The following PRKCZ variants were observed in gnomAD, a reference collection of about 807,000 sequenced individuals.
PRKCZ encodes the protein protein kinase C zeta.
A neutral mutation model predicts 79.5 loss-of-function variants in PRKCZ; 33 were observed. The ratio of observed to expected loss-of-function variants is 0.41; its 90% confidence interval spans 0.31 to 0.55. PRKCZ has a LOEUF of 0.55. Ranked by LOEUF, PRKCZ falls within the 20% of genes least tolerant of loss-of-function variation. The pLI, the probability that PRKCZ is intolerant of heterozygous loss-of-function variation, is 0.19. For missense variants in PRKCZ, 578 were observed against 813.5 expected (o/e 0.71, Z 3.52); for synonymous variants, 342 against 320.9 (o/e 1.07, Z -0.70).
chr1:2,136,148 A>G (rs972619072), intron 5 of PRKCZ, among the ~76,000 whole-genome samples: 3 of 151,788 alleles, frequency 2.0e-5, no homozygotes, highest in African/African-American at 7.3e-5. Context: ...GGTGTACGGC[A>G]CCTCTGTCTC....
intron 10 of PRKCZ, among the ~76,000 whole-genome samples, chr1:2,164,928 G>A (rs1419382967): frequency 6.6e-6 from 1 of 152,096 alleles, no homozygotes; most frequent in Non-Finnish European, 1.5e-5. Flanking sequence ...TTCACCCCAG[G>A]CCGTGTCTCC....
rs142352833 is a variant in PRKCZ, at chr1:2,173,988, C to T, written c.1377C>T (p.Asp459=). The T allele has an allele frequency of 2.1e-3, 3,352 of 1,612,534 alleles. 10 individuals are homozygous for T. Among genetic ancestry groups the T allele is most frequent in the Non-Finnish European group, 2.7e-3 (3,132 of 1,179,280 alleles). ...TCGACATCATCACCGACAACCCGGA[C>T]ATGAACACAGAGGACTACCTTTTCC... ...SPFDIITDNP[D]MNTEDYLFQV... is the part of the protein sequence containing the mutation. The change falls in exon 14 of 18, where the codon GAC becomes GAT. Residue 459 remains aspartate (D), a synonymous_variant. Transcript: ENST00000378567. The surrounding 1 kb of genome is among the most constrained non-coding windows in gnomAD (Gnocchi z 5.7).
chr1:2,059,403 C>A, intron 3 of PRKCZ, 138 bp from the exon 4 acceptor site: 1 of 985,466 alleles, frequency 1.0e-6, no homozygotes, highest in Non-Finnish European at 1.5e-6. Flanking sequence ...CTCCCAGGAG[C>A]GGGCTCTCAT....
At chr1:2,080,192 T>G (rs1663217884) in intron 4 of PRKCZ, among the ~76,000 whole-genome samples, 1 of 152,176 alleles carries the variant, frequency 6.6e-6, no homozygotes, top group African/African-American at 2.4e-5. Flanking sequence ...TTTCTTCCTT[T>G]GGTCTTGGGA....
chr1:2,173,814 G>A lies in PRKCZ; in HGVS notation c.1286-83G>A. 1 of 1,502,206 alleles carries A rather than the reference G, an allele frequency of 6.7e-7. No homozygotes were observed. The highest frequency in any genetic ancestry group is 2.1e-4 in the Middle Eastern group (1 of 4,848). The allele number at this position is 1,502,206 out of a possible 1,614,324, so 93.1% of individuals were successfully genotyped here. On this transcript the variant is annotated intron_variant, in intron 13 of 17. Transcript: ENST00000378567. This position sits in a 1 kb window ranked among gnomAD's most constrained non-coding sequence, Gnocchi z 5.7. ...CCTGGCTCACACTCGTGTCAACTGG[G>A]CATGAAAACCAACGCCAGCCAGGTT...
chr1:2,121,579 T>A (rs75208339), intron 4 of PRKCZ, among the ~76,000 whole-genome samples: 2 of 69,510 alleles, frequency 2.9e-5, no homozygotes, highest in East Asian at 4.0e-4. Context: ...GTTAGGGTGA[T>A]GGTGGTAGTT....
At chr1:2,116,540 TG>T (rs1327282382) in intron 4 of PRKCZ, among the ~76,000 whole-genome samples, 2 of 152,180 alleles carry the variant, frequency 1.3e-5, no homozygotes, top group Non-Finnish European at 2.9e-5. Flanking sequence ...ACTCCATGGA[TG>T]GTGTCTTCTG....
chr1:2,162,330 C>T (rs184279757), intron 10 of PRKCZ, among the ~76,000 whole-genome samples: 4 of 152,340 alleles, frequency 2.6e-5, no homozygotes, highest in Admixed American at 6.5e-5. Context: ...CGGGGTTTCA[C>T]CCTGTTGGCC....
chr1:2,090,033 T>C (rs1299797702), intron 4 of PRKCZ, among the ~76,000 whole-genome samples: 1 of 152,192 alleles, frequency 6.6e-6, no homozygotes, highest in Non-Finnish European at 1.5e-5. Flanking sequence ...AGCCGTCTCT[T>C]CTTCACCCGG....
At chr1:2,145,830 TGCTCGA>T (rs1284465423) in intron 6 of PRKCZ, among the ~76,000 whole-genome samples, 191 bp from the exon 7 acceptor site, 1 of 152,212 alleles carries the variant, frequency 6.6e-6, no homozygotes. Flanking sequence ...GCGGGAGGAT[TGCTCGA>T]GCTCAGGAGG....
intron 4 of PRKCZ, among the ~76,000 whole-genome samples, chr1:2,117,753 G>A (rs1671027327): frequency 6.6e-6 from 1 of 152,098 alleles, no homozygotes; most frequent in Non-Finnish European, 1.5e-5. Context: ...TAATATGAAT[G>A]GTGCTGAATT....
At chr1:2,086,685 T>C (rs931258658) in intron 4 of PRKCZ, among the ~76,000 whole-genome samples, 2 of 152,182 alleles carry the variant, frequency 1.3e-5, no homozygotes, top group Non-Finnish European at 2.9e-5. Context: ...CTGTGCCCGG[T>C]GGGCGGTGGG....
intron 16 of PRKCZ, among the ~76,000 whole-genome samples, chr1:2,180,730 G>A (rs1686443132): frequency 6.6e-6 from 1 of 152,188 alleles, no homozygotes; most frequent in Non-Finnish European, 1.5e-5. Context: ...GACCGCTGCT[G>A]TGCTGCCACC....
At chr1:2,150,161 CAAAAAAAAAA>C (rs750010192) in intron 8 of PRKCZ, among the ~76,000 whole-genome samples, 3 of 46,684 alleles carry the variant, frequency 6.4e-5, no homozygotes, top group Non-Finnish European at 9.1e-5. Flanking sequence ...GACTCCGTCT[CAAAAAAAAAA>C]AAAAAAAAAA....
rs773492780 is a variant in PRKCZ, at chr1:2,155,532, A to AATGGTG, written c.877-456_877-451dup. On this transcript the variant is annotated intron_variant, in intron 9 of 17. Coordinates refer to ENST00000378567, the MANE Select transcript of PRKCZ (RefSeq NM_002744.6). ...GATGGTGGTGGGGGTAGATGGTGCCAATGGTGATGGTGGTGGTGGTGATGG... is the reference window on the plus strand; with the variant it reads ...GATGGTGGTGGGGGTAGATGGTGCCAATGGTGATGGTGATGGTGGTGGTGGTGATGG... Among the ~76,000 whole-genome samples the AATGGTG allele has an allele frequency of 2.3e-5, 3 of 133,106 alleles. No individual in the cohort carries two copies. In the South Asian group the frequency reaches 7.5e-4, roughly 33 times the overall value. The allele number at this position is 133,106 out of a possible 152,430, so 87.3% of individuals were successfully genotyped here.
intron 4 of PRKCZ, among the ~76,000 whole-genome samples, chr1:2,101,011 T>G (rs1407106464): frequency 8.6e-6 from 1 of 115,714 alleles, no homozygotes; most frequent in African/African-American, 4.2e-5. Flanking sequence ...TAAGACAATT[T>G]ATTTTGTTAA....
intron 1 of PRKCZ, among the ~76,000 whole-genome samples, chr1:2,053,440 A>G (rs916293525): frequency 1.3e-5 from 2 of 152,120 alleles, no homozygotes; most frequent in African/African-American, 4.8e-5. Flanking sequence ...TCTGTGTGCA[A>G]AGCCCAGGGC....
chr1:2,124,783 C>T (rs534509014), intron 4 of PRKCZ, among the ~76,000 whole-genome samples: 21 of 151,970 alleles, frequency 1.4e-4, no homozygotes, highest in Non-Finnish European at 2.6e-4. Context: ...GGTCAGCAGA[C>T]GCCGTGCATG....
chr1:2,059,539 A>G lies in PRKCZ; in HGVS notation c.284-2A>G. 6.2e-7 allele frequency: 1 copy of G among 1,614,094 alleles called. No individual in the cohort carries two copies. The highest frequency in any genetic ancestry group is 8.5e-7 in the Non-Finnish European group (1 of 1,179,996). On this transcript the variant is annotated splice_acceptor_variant, in intron 3 of 17. Transcript: ENST00000378567. LOFTEE classifies it high-confidence loss of function. ...CGCTGTCTCTTTCTCTCTCTTGTCC[A>G]GTTTTCCCGAGCACCCCTGAGCAGC...
Sources: allele counts gnomAD v4.1 joint callset (sites outside exome capture counted in the v4.1 genomes callset), GRCh38; gene constraint gnomAD v4.1.1; non-coding constraint Gnocchi (gnomAD v3.1); transcripts MANE v1.5; gene names NCBI Gene and HGNC (gene_info 2026-07-23, HGNC 2026-07-21).